Variants in KATNAL2 observed in about 807,000 individuals in gnomAD.
The protein encoded by KATNAL2 is katanin catalytic subunit A1 like 2, also known as katanin p60 ATPase-containing subunit A-like 2.
A neutral mutation model predicts 76.3 loss-of-function variants in KATNAL2; 52 were observed. That is an observed-to-expected ratio of 0.68 (90% CI 0.55 to 0.86). The LOEUF is 0.86. Ranked by LOEUF, KATNAL2 falls within the 40% of genes least tolerant of loss-of-function variation. KATNAL2 has a pLI of 0.00. For missense variants in KATNAL2, 660 were observed against 668.9 expected, an observed-to-expected ratio of 0.99 and a Z score of 0.15; for synonymous variants, 243 against 244.2, an observed-to-expected ratio of 1.00 and a Z score of 0.05.
Position 46,933,868 on chromosome 18 carries a change from A to G in KATNAL2, c.-509-12189A>G, listed in dbSNP as rs570564086. Among the ~76,000 whole-genome samples, 38 of 143,384 alleles carry G rather than the reference A, an allele frequency of 2.7e-4. No homozygotes were observed. The East Asian group carries it at 6.6e-3, about 25-fold the overall frequency. The allele number at this position is 143,384 out of a possible 152,430, so 94.1% of individuals were successfully genotyped here. A position where few individuals can be genotyped will look rare whatever the true frequency, so the allele number is the denominator to read the frequency against. The stretch of plus-strand genomic sequence containing the variant: ...TGTGTCCATGTGTTCTCATTGTTCA[A>G]TTCCCACCTATGAGTGAGAACATGT... On this transcript the variant is annotated intron_variant, in intron 1 of 17. Coordinates refer to ENST00000683218, the MANE Select transcript of KATNAL2 (RefSeq NM_001387690.1).
chr18:47,048,448 C>T (rs1055874612), intron 4 of KATNAL2, among the ~76,000 whole-genome samples: 1 of 152,122 alleles, frequency 6.6e-6, no homozygotes, highest in African/African-American at 2.4e-5. Context: ...AACCTATTGC[C>T]CCCTAGAAGG....
intron 3 of KATNAL2, among the ~76,000 whole-genome samples, chr18:46,952,875 C>T (rs1470424467): frequency 4.0e-5 from 6 of 149,288 alleles, no homozygotes; most frequent in Non-Finnish European, 8.9e-5. Flanking sequence ...TCCCTCCCTC[C>T]CTGCTTCCTT....
rs1390428917 is a variant in KATNAL2 at position 47,062,892 on chromosome 18, C to G, written c.550-80C>G. ...TATATACCAGGGTCTATAAATGTGT[C>G]TTGGTTTAATGAAACTGAGTTATTA... is the stretch of plus-strand genomic sequence containing the variant. On this transcript the variant is annotated intron_variant, in intron 8 of 17. Coordinates refer to ENST00000683218, the MANE Select transcript of KATNAL2 (RefSeq NM_001387690.1). 3.5e-6 allele frequency: 4 copies of G among 1,130,462 alleles called. No homozygotes were observed. In the Admixed American group the frequency reaches 7.6e-5, roughly 21 times the overall value. The allele number at this position is 1,130,462 out of a possible 1,614,324, so 70.0% of individuals were successfully genotyped here. A position where few individuals can be genotyped will look rare whatever the true frequency, so the allele number is the denominator to read the frequency against.
intron 1 of KATNAL2, among the ~76,000 whole-genome samples, chr18:46,942,483 G>A (rs180701710): frequency 2.0e-5 from 3 of 152,206 alleles, no homozygotes; most frequent in Non-Finnish European, 4.4e-5. Context: ...GCGTGGTGGT[G>A]CGTGCCTGTA....
chr18:46,941,044 A>C (rs1454689463), intron 1 of KATNAL2, among the ~76,000 whole-genome samples: 2 of 152,126 alleles, frequency 1.3e-5, no homozygotes, highest in African/African-American at 4.8e-5. Flanking sequence ...CAAACAAAAA[A>C]ACTTATGATT....
At chr18:47,051,531 A>C (rs1331545622) in intron 4 of KATNAL2, among the ~76,000 whole-genome samples, 2 of 152,142 alleles carry the variant, frequency 1.3e-5, no homozygotes, top group Non-Finnish European at 2.9e-5. Flanking sequence ...AGTATTTTCT[A>C]GTTTTTTCTT....
intron 15 of KATNAL2, among the ~76,000 whole-genome samples, chr18:47,087,293 C>G (rs142829006): frequency 0.012 from 1,855 of 152,216 alleles, 21 homozygotes; most frequent in Middle Eastern, 0.031. Flanking sequence ...GACATGGAAT[C>G]AACCTAAACG....
At chr18:47,036,224 G>T (rs1187168921) in intron 3 of KATNAL2, among the ~76,000 whole-genome samples, 2 of 152,284 alleles carry the variant, frequency 1.3e-5, no homozygotes, top group Admixed American at 1.3e-4. Flanking sequence ...ATCTCCTTTT[G>T]AAACTCTTGC....
intron 3 of KATNAL2, among the ~76,000 whole-genome samples, chr18:46,957,320 C>T (rs1412023330): frequency 7.3e-6 from 1 of 136,224 alleles, no homozygotes; most frequent in Non-Finnish European, 1.5e-5. Context: ...GTGGCGCGGT[C>T]TCGGCTCACT....
chr18:47,037,138 T>C (rs2060806635), intron 3 of KATNAL2, among the ~76,000 whole-genome samples: 1 of 152,198 alleles, frequency 6.6e-6, no homozygotes, highest in Admixed American at 6.5e-5. Context: ...AACGAGCTCA[T>C]GCAAATTAAT....
chr18:46,954,148 T>G (rs1379088491), intron 3 of KATNAL2, among the ~76,000 whole-genome samples: 1 of 151,338 alleles, frequency 6.6e-6, no homozygotes, highest in Non-Finnish European at 1.5e-5. Flanking sequence ...AGGGGAGGAA[T>G]TGTAACCTGA....
At chr18:47,051,326 AAGGCTG>A (rs2061335264) in intron 4 of KATNAL2, among the ~76,000 whole-genome samples, 1 of 152,034 alleles carries the variant, frequency 6.6e-6, no homozygotes, top group Non-Finnish European at 1.5e-5. Context: ...AGCTACTTGA[AAGGCTG>A]AGGTGGGAGG....
chr18:47,093,289 T>C (rs184784230), intron 15 of KATNAL2, among the ~76,000 whole-genome samples: 1 of 152,312 alleles, frequency 6.6e-6, no homozygotes, highest in East Asian at 1.9e-4. Context: ...AGTTAAGTAC[T>C]AGTTAAGCAT....
chr18:46,946,998 C>A, intron 3 of KATNAL2, 75 bp downstream of exon 3: 1 of 1,048,664 alleles, frequency 9.5e-7, no homozygotes, highest in South Asian at 1.3e-5. Flanking sequence ...GATTCCGAGT[C>A]TCCGGTTGCT....
At chr18:47,050,400 A>G (rs1748923813) in intron 4 of KATNAL2, among the ~76,000 whole-genome samples, 1 of 152,238 alleles carries the variant, frequency 6.6e-6, no homozygotes, top group Admixed American at 6.5e-5. Flanking sequence ...AGAAACGAAG[A>G]CAATGCCATT....
intron 3 of KATNAL2, among the ~76,000 whole-genome samples, chr18:46,959,036 G>T (rs1208425697): frequency 1.3e-5 from 2 of 152,168 alleles, no homozygotes; most frequent in Non-Finnish European, 2.9e-5. Context: ...TTGTTAAAAT[G>T]CCTTAGTTTT....
chr18:47,031,682 T>C (rs1419622219), intron 3 of KATNAL2, among the ~76,000 whole-genome samples: 2 of 152,142 alleles, frequency 1.3e-5, no homozygotes, highest in Non-Finnish European at 2.9e-5. Context: ...CTTTTTCATA[T>C]TGGTCGTCCT....
chr18:47,063,624 G>C (rs2061702239), intron 10 of KATNAL2, among the ~76,000 whole-genome samples: 1 of 152,144 alleles, frequency 6.6e-6, no homozygotes. Context: ...GGAATGAAGG[G>C]ACAGGTGAAA....
intron 3 of KATNAL2, among the ~76,000 whole-genome samples, chr18:47,039,462 CT>C (rs372797028): frequency 7.2e-5 from 11 of 151,750 alleles, no homozygotes; most frequent in South Asian, 2.1e-4. Context: ...CTTCCAGGAT[CT>C]TTTTTTTTCT....
Sources: gnomAD v4.1 joint callset for allele counts (sites outside exome capture counted in the v4.1 genomes callset) on GRCh38, gnomAD v4.1.1 for gene constraint, MANE v1.5 for transcripts, NCBI Gene and HGNC (gene_info 2026-07-23, HGNC 2026-07-21) for gene names.